The following TNRC6B variants were observed in gnomAD, a reference collection of about 807,000 sequenced individuals.
TNRC6B encodes the protein trinucleotide repeat-containing gene 6B protein.
Under a neutral mutation model 203.6 loss-of-function variants are expected in TNRC6B, and 52 were observed. The observed-to-expected ratio is 0.26, with a 90% CI of 0.20 to 0.32. TNRC6B has a LOEUF of 0.32. TNRC6B is among the 10% of genes least tolerant of loss of function. TNRC6B has a pLI of 1.00. For missense variants in TNRC6B, 1,923 were observed against 2,286.2 expected (o/e 0.84, Z 3.24); for synonymous variants, 838 against 845.7 (o/e 0.99, Z 0.16).
intron 1 of TNRC6B, among the ~76,000 whole-genome samples, chr22:40,178,464 C>A (rs961621600): frequency 6.6e-6 from 1 of 152,134 alleles, no homozygotes; most frequent in African/African-American, 2.4e-5. Flanking sequence ...TTTTAAAAAA[C>A]ACAGACCTCC....
At chr22:40,046,605 G>A (rs1279016835) in intron 1 of TNRC6B, among the ~76,000 whole-genome samples, 2 of 147,386 alleles carry the variant, frequency 1.4e-5, no homozygotes, top group East Asian at 3.9e-4. Flanking sequence ...TCAAATGGAA[G>A]CACTTAAATT....
chr22:40,331,820 T>A lies in TNRC6B; in HGVS notation c.*8579T>A, dbSNP rs1401279086. On this transcript the variant is annotated 3_prime_UTR_variant, in exon 23 of 23. Transcript: ENST00000454349. ...CCTTGTTCTTCAGTTTCTGTGTCCA[T>A]GGTGTCCCCGTGTCCTGGAGGGGAA... 4 of 368,850 alleles carry A rather than the reference T, an allele frequency of 1.1e-5. No homozygotes were observed. The highest frequency in any genetic ancestry group is 1.9e-5 in the Non-Finnish European group (4 of 205,600). The allele number at this position is 368,850 out of a possible 1,614,324, so 22.8% of individuals were successfully genotyped here.
chr22:40,207,418 AATATAT>A (rs55644816), intron 1 of TNRC6B, among the ~76,000 whole-genome samples: 48 of 128,762 alleles, frequency 3.7e-4, no homozygotes, highest in East Asian at 8.5e-4. Flanking sequence ...AAAAAAAAAA[AATATAT>A]ATATATATAT....
At chr22:40,118,699 C>T (rs1248044986) in intron 2 of TNRC6B, among the ~76,000 whole-genome samples, 4 of 152,158 alleles carry the variant, frequency 2.6e-5, no homozygotes, top group Non-Finnish European at 4.4e-5. Flanking sequence ...CAAGATATAG[C>T]GTCTGGTATC....
At chr22:40,290,250 T>G (rs930577355) in intron 12 of TNRC6B, among the ~76,000 whole-genome samples, 4 of 152,252 alleles carry the variant, frequency 2.6e-5, no homozygotes, top group African/African-American at 9.6e-5. Flanking sequence ...TTAACTTAAA[T>G]AGCCACGTCT....
chr22:40,058,655 C>T (rs2067822073), intron 1 of TNRC6B, among the ~76,000 whole-genome samples: 2 of 152,220 alleles, frequency 1.3e-5, no homozygotes, highest in Admixed American at 1.3e-4. Context: ...AGAAAGGTAA[C>T]TGGAGGCTGG....
chr22:40,234,917 T>C (rs1478260826), intron 1 of TNRC6B, among the ~76,000 whole-genome samples: 1 of 152,204 alleles, frequency 6.6e-6, no homozygotes, highest in Non-Finnish European at 1.5e-5. Context: ...TGGAGTACCC[T>C]ACTATGTAAT....
At chr22:40,178,774 C>G (rs1229005947) in intron 1 of TNRC6B, among the ~76,000 whole-genome samples, 1 of 152,122 alleles carries the variant, frequency 6.6e-6, no homozygotes, top group South Asian at 2.1e-4. Flanking sequence ...CTCCTTTCTG[C>G]GCGCGCTCAT....
At chr22:40,253,678 G>A (rs1282392952) in intron 3 of TNRC6B, 2 of 456,422 alleles carry the variant, frequency 4.4e-6, no homozygotes, top group Non-Finnish European at 4.4e-6. Flanking sequence ...TTGTTAGACA[G>A]CAAGTAAAAA....
intron 13 of TNRC6B, 81 bp from the exon 14 acceptor site, chr22:40,300,829 C>T (rs2071013240): frequency 1.4e-6 from 2 of 1,381,006 alleles, no homozygotes; most frequent in East Asian, 4.9e-5. Flanking sequence ...ACCTGTACTT[C>T]AGTGCACAGA....
At chr22:40,293,742 G>T (rs1429867482) in intron 12 of TNRC6B, among the ~76,000 whole-genome samples, 3 of 151,972 alleles carry the variant, frequency 2.0e-5, no homozygotes, top group Admixed American at 6.6e-5. Context: ...GCAGGGTCTG[G>T]GCCTGCTGTG....
intron 3 of TNRC6B, among the ~76,000 whole-genome samples, chr22:40,143,152 G>A (rs2068659227): frequency 1.3e-5 from 2 of 152,220 alleles, no homozygotes; most frequent in South Asian, 4.1e-4. Flanking sequence ...GAAAAAGGCT[G>A]GGCACAGTGG....
At chr22:40,154,712 G>A (rs1002783848) in intron 3 of TNRC6B, among the ~76,000 whole-genome samples, 3 of 147,602 alleles carry the variant, frequency 2.0e-5, no homozygotes, top group Non-Finnish European at 4.5e-5. Flanking sequence ...ATAGTGGCGG[G>A]TACCTGTAGT....
intron 1 of TNRC6B, among the ~76,000 whole-genome samples, chr22:40,203,796 A>G (rs1013546530): frequency 3.3e-5 from 5 of 152,338 alleles, no homozygotes; most frequent in Middle Eastern, 3.4e-3. Context: ...TGAATATTCT[A>G]GCCCCATCTT....
rs1406540070 is a variant in TNRC6B, at chr22:40,330,704, A to T, written c.*7463A>T. On this transcript the variant is annotated 3_prime_UTR_variant, in exon 23 of 23. Coordinates refer to ENST00000454349, the MANE Select transcript of TNRC6B (RefSeq NM_001162501.2). ...ATTTTGTCTAAGGAATTACTTAAGT[A>T]TAGTATTTCTGAATGTGCCTTTGTG... 1.3e-5 allele frequency: 2 copies of T among 152,628 alleles called. No individual in the cohort carries two copies. Among genetic ancestry groups the T allele is most frequent in the African/African-American group, 4.8e-5 (2 of 41,434 alleles). 9.5% of individuals were successfully genotyped at this position (152,628 alleles called of 1,614,324 possible).
chr22:40,154,860 AATATATAT>A (rs71199273), intron 3 of TNRC6B, among the ~76,000 whole-genome samples: 47 of 23,570 alleles, frequency 2.0e-3, no homozygotes, highest in Non-Finnish European at 2.4e-3. Context: ...AAAAAAAAAA[AATATATAT>A]ATATATATAT....
At chr22:40,307,418 G>T (rs1459671225) in intron 15 of TNRC6B, among the ~76,000 whole-genome samples, 2 of 152,054 alleles carry the variant, frequency 1.3e-5, no homozygotes, top group African/African-American at 2.4e-5. Flanking sequence ...GCTCCCTGTG[G>T]CTCATTCTCA....
chr22:40,077,127 G>A (rs2068022761), intron 1 of TNRC6B, among the ~76,000 whole-genome samples: 1 of 151,638 alleles, frequency 6.6e-6, no homozygotes, highest in East Asian at 1.9e-4. Flanking sequence ...GAGGGGAGGC[G>A]GGGCACTTCT....
chr22:40,321,261 A>G, intron 22 of TNRC6B, 32 bp downstream of exon 22: 1 of 1,606,326 alleles, frequency 6.2e-7, no homozygotes, highest in Non-Finnish European at 8.5e-7. Flanking sequence ...CACGTAGACA[A>G]ACATGCATGA....
Sources: allele counts gnomAD v4.1 joint callset (sites outside exome capture counted in the v4.1 genomes callset), GRCh38; gene constraint gnomAD v4.1.1; transcripts MANE v1.5; gene names NCBI Gene and HGNC (gene_info 2026-07-23, HGNC 2026-07-21).